Variants in GOLIM4 observed in about 807,000 individuals in gnomAD.
GOLIM4 encodes the protein golgi integral membrane protein 4, also known as 130 kDa golgi-localized phosphoprotein.
GOLIM4 carries 71 observed loss-of-function variants against 107.4 expected under a neutral mutation model. The ratio of observed to expected loss-of-function variants is 0.66; its 90% CI spans 0.55 to 0.81. GOLIM4 has a LOEUF of 0.81. Ranked by LOEUF, GOLIM4 falls within the 30% of genes least tolerant of loss-of-function variation. GOLIM4 has a pLI of 0.00. For missense variants in GOLIM4, 830 were observed against 826.1 expected, an observed-to-expected ratio of 1.00 and a Z score of -0.06; for synonymous variants, 327 against 294.8, an observed-to-expected ratio of 1.11 and a Z score of -1.12.
chr3:168,012,738 C>T (rs138845326), intron 14 of GOLIM4, among the ~76,000 whole-genome samples: 2,134 of 152,168 alleles, frequency 0.014, 37 homozygotes, highest in African/African-American at 0.049. Context: ...CAATATTCAA[C>T]ATTCTTAAAG....
At chr3:168,084,625 T>C (rs920601853) in intron 1 of GOLIM4, among the ~76,000 whole-genome samples, 6 of 152,178 alleles carry the variant, frequency 3.9e-5, no homozygotes, top group African/African-American at 1.2e-4. Flanking sequence ...TGTGAGATAA[T>C]GTTCATTGTT....
chr3:168,010,203 C>A lies in GOLIM4; in HGVS notation c.*66G>T. 1 of 1,411,566 alleles carries A rather than the reference C, an allele frequency of 7.1e-7. No individual in the cohort carries two copies. Among genetic ancestry groups the A allele is most frequent in the Non-Finnish European group, 9.7e-7 (1 of 1,033,244 alleles). The allele number at this position is 1,411,566 out of a possible 1,614,324, so 87.4% of individuals were successfully genotyped here. ...ATTAAATATCCTAGAGTTCAGTAGG[C>A]AGATTTATGTTTGAGCAGCTTGAAA... On this transcript the variant is annotated 3_prime_UTR_variant, in exon 16 of 16. Coordinates refer to ENST00000470487, the MANE Select transcript of GOLIM4 (RefSeq NM_014498.5).
chr3:168,069,147 T>A (rs899536624), intron 1 of GOLIM4, among the ~76,000 whole-genome samples: 1 of 152,178 alleles, frequency 6.6e-6, no homozygotes, highest in Admixed American at 6.5e-5. Flanking sequence ...CTTTTAAAAT[T>A]GCTACACAAA....
intron 11 of GOLIM4, among the ~76,000 whole-genome samples, chr3:168,028,306 T>G (rs900060495): frequency 6.6e-6 from 1 of 152,214 alleles, no homozygotes; most frequent in Non-Finnish European, 1.5e-5. Context: ...TGTTTTCTGA[T>G]GTCATCACAG....
At chr3:168,011,679 G>C (rs1055647846) in intron 14 of GOLIM4, among the ~76,000 whole-genome samples, 1 of 148,438 alleles carries the variant, frequency 6.7e-6, no homozygotes, top group African/African-American at 2.6e-5. Context: ...GGTTCTCCCA[G>C]CACGCAGCTG....
chr3:168,024,819 G>A (rs1406407246), intron 13 of GOLIM4, 109 bp downstream of exon 13: 30 of 1,161,378 alleles, frequency 2.6e-5, no homozygotes, highest in East Asian at 2.1e-4. Context: ...AAAAACCACC[G>A]AAGTGGCAAA....
chr3:168,037,655 A>G (rs1718738416), intron 7 of GOLIM4, among the ~76,000 whole-genome samples: 1 of 152,164 alleles, frequency 6.6e-6, no homozygotes, highest in Admixed American at 6.5e-5. Flanking sequence ...CTTTTCTTCT[A>G]AAGTGACAAA....
rs199660018 is a variant in GOLIM4, at chr3:168,048,362, A to G, written c.191T>C (p.Val64Ala). The G allele has an allele frequency of 4.8e-6, 7 of 1,465,426 alleles. No homozygotes were observed. Among genetic ancestry groups the G allele is most frequent in the African/African-American group, 1.4e-5 (1 of 71,140 alleles). 90.8% of individuals were successfully genotyped at this position (1,465,426 alleles called of 1,614,324 possible). ...CTCTAATCTTGATCTGTGTTCATATACAACTGGAAAAAAAGTTAACATTTT... is the reference window on the plus strand; with the variant it reads ...CTCTAATCTTGATCTGTGTTCATATGCAACTGGAAAAAAAGTTAACATTTT... ...QESLSAQLQV[V>A]YEHRSRLEKS... Residue 64 changes from valine to alanine, a missense_variant, in exon 2 of 16, where the codon GTA becomes GCA. Coordinates refer to ENST00000470487, the MANE Select transcript of GOLIM4 (RefSeq NM_014498.5).
chr3:168,035,636 C>T (rs981885855), intron 8 of GOLIM4, among the ~76,000 whole-genome samples: 11 of 152,068 alleles, frequency 7.2e-5, no homozygotes, highest in African/African-American at 1.9e-4. Context: ...ACACACTGTA[C>T]GGCCTATCAG....
intron 14 of GOLIM4, among the ~76,000 whole-genome samples, chr3:168,011,456 A>G (rs9831756): frequency 0.29 from 43,975 of 151,064 alleles, 12,296 homozygotes; most frequent in African/African-American, 0.74. Context: ...AGGCGGCAGC[A>G]AGGCTGGGGG....
At chr3:168,054,600 T>C (rs541205110) in intron 1 of GOLIM4, among the ~76,000 whole-genome samples, 68 of 152,168 alleles carry the variant, frequency 4.5e-4, no homozygotes, top group African/African-American at 1.6e-3. Context: ...GCTTTGTTTT[T>C]ACTTATTAAT....
chr3:168,036,964 C>G lies in GOLIM4; in HGVS notation c.715G>C (p.Asp239His). 1 of 1,586,222 alleles carries G rather than the reference C, an allele frequency of 6.3e-7. No homozygotes were observed. Among genetic ancestry groups the G allele is most frequent in the Non-Finnish European group, 8.6e-7 (1 of 1,164,866 alleles). The change falls in exon 8 of 16, where the codon GAT (aspartate) becomes CAT (histidine). Residue 239 changes from aspartate (D) to histidine (H), a missense_variant. Coordinates refer to ENST00000470487, the MANE Select transcript of GOLIM4 (RefSeq NM_014498.5). ...TQVAEYKQLK[D>H]TLNRIPSLRK... ...AGGCTTGGAATCCTATTCAGAGTAT[C>G]TTTCAGTTGTTTATATTCTGCAACT... is the stretch of plus-strand genomic sequence containing the variant.
Position 168,029,944 on chromosome 3 carries a change from C to T in GOLIM4, c.1269G>A (p.Glu423=). The T allele has an allele frequency of 6.2e-7, 1 of 1,614,116 alleles. No homozygotes were observed. Residue 423 remains glutamate (E), a synonymous_variant, in exon 10 of 16, where the codon GAG becomes GAA. Transcript: ENST00000470487. ...CCTGGTGTTCCCGCAGCTGCTGGGCCTCCTCCACCTGCTGCACTGCCAGTC... is the reference window on the plus strand; with the variant it reads ...CCTGGTGTTCCCGCAGCTGCTGGGCTTCCTCCACCTGCTGCACTGCCAGTC... ...QQRLAVQQVE[E]AQQLREHQEA...
chr3:168,009,513 T>C lies in GOLIM4; in HGVS notation c.*756A>G, dbSNP rs890462609. On this transcript the variant is annotated 3_prime_UTR_variant, in exon 16 of 16. Coordinates refer to ENST00000470487, the MANE Select transcript of GOLIM4 (RefSeq NM_014498.5). ...ACTCATTAGTTTTTAACCAAGTCAC[T>C]AGTCCTTCCAAAAGGTGAATATGTT... The C allele has an allele frequency of 3.3e-5, 5 of 150,294 alleles. No individual in the cohort carries two copies. Among genetic ancestry groups the C allele is most frequent in the African/African-American group, 4.9e-5 (2 of 40,948 alleles). 9.3% of individuals were successfully genotyped at this position (150,294 alleles called of 1,614,324 possible).
At chr3:168,011,739 T>G (rs13314994) in intron 14 of GOLIM4, among the ~76,000 whole-genome samples, 14,409 of 115,986 alleles carry the variant, frequency 0.12, 2,468 homozygotes, top group African/African-American at 0.48. Flanking sequence ...CCTGACCCCT[T>G]ACCCCTGAGC....
Sources: allele counts gnomAD v4.1 joint callset (sites outside exome capture counted in the v4.1 genomes callset), GRCh38; gene constraint gnomAD v4.1.1; transcripts MANE v1.5; gene names NCBI Gene and HGNC (gene_info 2026-07-23, HGNC 2026-07-21).